Variants in STAT5A observed in about 807,000 individuals in gnomAD.
STAT5A encodes the protein signal transducer and activator of transcription 5A.
Under a neutral mutation model 100.2 loss-of-function variants are expected in STAT5A, and 26 were observed. The observed-to-expected ratio is 0.26, with a 90% CI of 0.19 to 0.36. The LOEUF (loss-of-function observed/expected upper bound fraction) is 0.36. Among genes scored for constraint, STAT5A ranks in the 10% least tolerant of loss-of-function variants. The pLI is 1.00. For missense variants in STAT5A, 634 were observed against 1,027.5 expected, an observed-to-expected ratio of 0.62 and a Z score of 5.24; for synonymous variants, 330 against 424.3, an observed-to-expected ratio of 0.78 and a Z score of 2.73.
At chr17:42,295,543 T>G (rs1354552013) in intron 4 of STAT5A, 76 bp from the exon 5 acceptor site, 1 of 1,501,876 alleles carries the variant, frequency 6.7e-7, no homozygotes, top group Non-Finnish European at 9.0e-7. Flanking sequence ...GGGTCTGTAG[T>G]ATTGGTGTTT....
At chr17:42,303,496 G>A (rs897238897) in intron 9 of STAT5A, among the ~76,000 whole-genome samples, 6 of 152,306 alleles carry the variant, frequency 3.9e-5, no homozygotes, top group Middle Eastern at 3.4e-3. Flanking sequence ...GATCGTTTGA[G>A]ATCAGGAGTT....
intron 5 of STAT5A, among the ~76,000 whole-genome samples, chr17:42,297,732 C>A (rs2354154): frequency 6.6e-6 from 1 of 151,916 alleles, no homozygotes; most frequent in Non-Finnish European, 1.5e-5. Context: ...GCAGACACCT[C>A]GGATCTGTCC....
chr17:42,302,370 C>G (rs1224048345), intron 9 of STAT5A, among the ~76,000 whole-genome samples: 1 of 151,958 alleles, frequency 6.6e-6, no homozygotes. Context: ...AGGGGGTCTT[C>G]TTGCAGGATT....
rs552274997 is a variant in STAT5A, at chr17:42,296,701, G to A, written c.550+908G>A. 4.5e-4 allele frequency among the ~76,000 whole-genome samples: 68 copies of A among 152,168 alleles called. 1 individual carries two copies. The highest frequency in any genetic ancestry group is 1.6e-3 in the African/African-American group (66 of 41,506). ...CGCCCAGGCTGGAGCACAGTGGCAT[G>A]ATTTCGGCTCACTGCAGCCTCTGCT... On this transcript the variant is annotated intron_variant, in intron 5 of 18. Transcript: ENST00000590949.
chr17:42,289,464 TGCAG>T lies in STAT5A; in HGVS notation c.55_58del (p.Gln19CysfsTer64). On this transcript the variant is annotated frameshift_variant, in exon 2 of 19. Coordinates refer to ENST00000590949, the MANE Select transcript of STAT5A (RefSeq NM_001288718.2). LOFTEE classifies it high-confidence loss of function. ...CTGCAGGGAGACGCGCTGCGCCAGA[TGCAG>T]GTGCTGTACGGCCAGCACTTCCCCA... The T allele has an allele frequency of 6.2e-7, 1 of 1,613,076 alleles. No individual in the cohort carries two copies. The highest frequency in any genetic ancestry group is 8.5e-7 in the Non-Finnish European group (1 of 1,179,922).
At position 42,289,960 on chromosome 17, in the gene STAT5A, C is replaced by T. The variant is rs2080854527; in HGVS notation, c.223C>T (p.Gln75Ter). 6.2e-7 allele frequency: 1 copy of T among 1,611,502 alleles called. No individual in the cohort carries two copies. The highest frequency in any genetic ancestry group is 1.3e-5 in the African/African-American group (1 of 74,858). The stretch of plus-strand genomic sequence containing the variant: ...GGAGCTGCAGAAGAAGGCGGAGCAC[C>T]AGGTGGGGGAAGATGGGTTTTTACT... ...VQELQKKAEH[Q>*]VGEDGFLLKI... The change falls in exon 3 of 19, where the codon CAG becomes TAG. Residue 75 changes from glutamine to a stop codon, truncating the protein, a stop_gained. Coordinates refer to ENST00000590949, the MANE Select transcript of STAT5A (RefSeq NM_001288718.2). LOFTEE classifies it high-confidence loss of function.
chr17:42,300,935 G>A, intron 8 of STAT5A, 65 bp downstream of exon 8: 11 of 1,608,824 alleles, frequency 6.8e-6, no homozygotes, highest in East Asian at 2.2e-5. Context: ...GGGGGGAGCT[G>A]CAGGTGCCTT....
chr17:42,292,930 T>C (rs997880195), intron 4 of STAT5A, among the ~76,000 whole-genome samples: 1 of 152,088 alleles, frequency 6.6e-6, no homozygotes. Flanking sequence ...GCCCGGCCTG[T>C]TCCTACTCTT....
At position 42,301,084 on chromosome 17, in the gene STAT5A, G is replaced by T. The variant is rs2467653; in HGVS notation, c.990-191G>T. Among the ~76,000 whole-genome samples the T allele has an allele frequency of 4.8e-4, 73 of 152,188 alleles. 1 individual carries two copies. The highest frequency in any genetic ancestry group is 2.2e-4 in the African/African-American group (9 of 41,486). ...CCCTGGGCCGCAGCCCATGCCAGCTGCTGTGTTATCTCACTCCCCTCTCCA... is the reference window on the plus strand; with the variant it reads ...CCCTGGGCCGCAGCCCATGCCAGCTTCTGTGTTATCTCACTCCCCTCTCCA... On this transcript the variant is annotated intron_variant, in intron 8 of 18. Transcript: ENST00000590949.
At chr17:42,298,483 T>TG (rs1363535966) in intron 5 of STAT5A, among the ~76,000 whole-genome samples, 1 of 149,744 alleles carries the variant, frequency 6.7e-6, no homozygotes, top group African/African-American at 2.5e-5. Context: ...TTTTTTTTTT[T>TG]TTTTTTTAGA....
chr17:42,310,320 A>G (rs1167164808), intron 18 of STAT5A, among the ~76,000 whole-genome samples, 187 bp from the exon 19 acceptor site: 1 of 152,174 alleles, frequency 6.6e-6, no homozygotes, highest in Non-Finnish European at 1.5e-5. Flanking sequence ...ATGCGAATAG[A>G]GTGGGGGTCT....
In STAT5A at chr17:42,310,778, T is replaced by TTGTGTG. The variant is rs3833144; in HGVS notation, c.*127_*132dup. 7.0e-6 allele frequency: 10 copies of TTGTGTG among 1,426,454 alleles called. No homozygotes were observed. Among genetic ancestry groups the TTGTGTG allele is most frequent in the South Asian group, 4.1e-5 (3 of 73,202 alleles). The allele number at this position is 1,426,454 out of a possible 1,614,324, so 88.4% of individuals were successfully genotyped here. A position where few individuals can be genotyped will look rare whatever the true frequency, so the allele number is the denominator to read the frequency against. ...GACACCTTTGCAGGCATGCATGTGC[T>TTGTGTG]TGTGTGTGTGTGTGTGTGTGTGTCC... On this transcript the variant is annotated 3_prime_UTR_variant, in exon 19 of 19. Coordinates refer to ENST00000590949, the MANE Select transcript of STAT5A (RefSeq NM_001288718.2).
In STAT5A at chr17:42,309,440, C is replaced by T. The variant is rs1264621175; in HGVS notation, c.2178C>T (p.Ser726=). The T allele has an allele frequency of 2.5e-5, 41 of 1,613,758 alleles. No individual in the cohort carries two copies. The highest frequency in any genetic ancestry group is 3.4e-5 in the Non-Finnish European group (40 of 1,180,000). ...CCACGTACATGGACCAGGCCCCCTCCCCAGCTGTGTGCCCCCAGGCTCCCT... is the reference window on the plus strand; with the variant it reads ...CCACGTACATGGACCAGGCCCCCTCTCCAGCTGTGTGCCCCCAGGCTCCCT... ...SSATYMDQAP[S]PAVCPQAPYN... Residue 726 remains serine (S), a synonymous_variant, in exon 18 of 19, where the codon TCC becomes TCT. Transcript: ENST00000590949.
intron 5 of STAT5A, among the ~76,000 whole-genome samples, chr17:42,296,986 A>G (rs932438767): frequency 6.6e-6 from 1 of 152,298 alleles, no homozygotes; most frequent in Admixed American, 6.5e-5. Context: ...GCTGGAGTGC[A>G]GTGGCACGAT....
At chr17:42,309,656 A>G (rs12601982) in intron 18 of STAT5A, 172 bp downstream of exon 18, 124,370 of 625,920 alleles carry the variant, frequency 0.2, 13,786 homozygotes, top group East Asian at 0.36. Flanking sequence ...TAGCAGGGTC[A>G]AGTCCTCACT....
intron 4 of STAT5A, among the ~76,000 whole-genome samples, chr17:42,292,937 T>C (rs1028376674): frequency 7.2e-5 from 11 of 152,040 alleles, no homozygotes; most frequent in Non-Finnish European, 1.5e-4. Context: ...CTGTTCCTAC[T>C]CTTGTAAAAT....
intron 12 of STAT5A, 68 bp from the exon 13 acceptor site, chr17:42,306,173 T>C: frequency 6.2e-7 from 1 of 1,611,134 alleles, no homozygotes; most frequent in Non-Finnish European, 8.5e-7. Context: ...TGTCTGTGTA[T>C]CTTGTGTGTG....
intron 13 of STAT5A, 71 bp downstream of exon 13, chr17:42,306,518 G>T (rs1045845564): frequency 1.3e-6 from 2 of 1,552,096 alleles, no homozygotes; most frequent in African/African-American, 1.4e-5. Flanking sequence ...TCACAGACAG[G>T]TTACTGCCTG....
intron 13 of STAT5A, among the ~76,000 whole-genome samples, chr17:42,306,995 C>T (rs1266969783): frequency 2.0e-5 from 3 of 152,102 alleles, no homozygotes; most frequent in Non-Finnish European, 4.4e-5. Context: ...GCTGGGATTA[C>T]AGGCGTGAGC....
Sources: allele counts gnomAD v4.1 joint callset (sites outside exome capture counted in the v4.1 genomes callset), GRCh38; gene constraint gnomAD v4.1.1; transcripts MANE v1.5; gene names NCBI Gene and HGNC (gene_info 2026-07-23, HGNC 2026-07-21).